The following SFTPD variants were observed in gnomAD, a reference collection of about 807,000 sequenced individuals.
The protein encoded by SFTPD is pulmonary surfactant-associated protein D.
SFTPD carries 18 observed loss-of-function variants against 34.6 expected under a neutral mutation model. That is an observed-to-expected ratio of 0.52 (90% CI 0.36 to 0.77). The LOEUF (loss-of-function observed/expected upper bound fraction) is 0.77, where lower values mean the gene tolerates loss of function less well. Ranked by LOEUF, SFTPD falls within the 30% of genes least tolerant of loss-of-function variation. SFTPD has a pLI of 0.00. For synonymous variants in SFTPD, 155 were observed against 180.9 expected, an observed-to-expected ratio of 0.86 and a Z score of 1.15; for missense variants, 433 against 468.9, an observed-to-expected ratio of 0.92 and a Z score of 0.71.
intron 1 of SFTPD, among the ~76,000 whole-genome samples, chr10:79,977,747 A>G (rs761753786): frequency 2.6e-5 from 4 of 152,082 alleles, no homozygotes; most frequent in Non-Finnish European, 5.9e-5. Flanking sequence ...GTTGTTACAG[A>G]TTTTTTTCCA....
Position 79,938,056 on chromosome 10 carries a change from G to A in SFTPD, c.924C>T (p.Asn308=), listed in dbSNP as rs182707229. Reference sequence around the variant, plus strand: ...CAGTCATGCTCAGGAAAGCAGCCTCGTTCTTAGCTACGACCAGCTGTTGCA... The same window carrying A: ...CAGTCATGCTCAGGAAAGCAGCCTCATTCTTAGCTACGACCAGCTGTTGCA... ...AALQQLVVAK[N]EAAFLSMTDS... is the part of the protein sequence containing the mutation. The change falls in exon 8 of 8, where the codon AAC becomes AAT. Residue 308 remains asparagine (N), a synonymous_variant. Coordinates refer to ENST00000372292, the MANE Select transcript of SFTPD (RefSeq NM_003019.5). 1.5e-5 allele frequency: 25 copies of A among 1,614,130 alleles called. No individual in the cohort carries two copies. In the East Asian group the frequency reaches 2.0e-4, roughly 13 times the overall value.
chr10:79,974,460 T>A (rs1373838531), intron 1 of SFTPD, among the ~76,000 whole-genome samples: 2 of 152,144 alleles, frequency 1.3e-5, no homozygotes, highest in Non-Finnish European at 2.9e-5. Context: ...CCCCCAGATA[T>A]TTTTTATATG....
intron 1 of SFTPD, among the ~76,000 whole-genome samples, chr10:79,959,872 T>A (rs1445513255): frequency 6.6e-6 from 1 of 152,218 alleles, no homozygotes; most frequent in Admixed American, 6.5e-5. Flanking sequence ...ATATCCTTGA[T>A]GAACATTGAT....
At chr10:79,941,177 A>T (rs1564528617) in intron 6 of SFTPD, among the ~76,000 whole-genome samples, 1 of 152,220 alleles carries the variant, frequency 6.6e-6, no homozygotes, top group Non-Finnish European at 1.5e-5. Context: ...CGATAGTCAG[A>T]TGGAGAAGCT....
At chr10:79,971,362 C>T (rs12247705) in intron 1 of SFTPD, 11,905 of 152,004 alleles carry the variant, frequency 0.078, 912 homozygotes, top group East Asian at 0.39. Flanking sequence ...ATGAGGGTAA[C>T]GTCATCATAG....
chr10:79,941,277 C>T, intron 6 of SFTPD, 121 bp downstream of exon 6: 1 of 851,170 alleles, frequency 1.2e-6, no homozygotes, highest in Non-Finnish European at 1.9e-6. Context: ...CTGAGTTCCA[C>T]CCACCAGCTG....
chr10:79,940,567 T>C (rs1842600661), intron 7 of SFTPD, 138 bp downstream of exon 7: 1 of 619,012 alleles, frequency 1.6e-6, no homozygotes, highest in East Asian at 2.6e-5. Flanking sequence ...TCCCAGCTCA[T>C]TCCCATCCTA....
intron 1 of SFTPD, among the ~76,000 whole-genome samples, chr10:79,981,078 GT>G (rs1564537273): frequency 6.6e-6 from 1 of 152,020 alleles, no homozygotes; most frequent in Non-Finnish European, 1.5e-5. Context: ...GAAATCCAAG[GT>G]AATACAGAGA....
At chr10:79,959,601 G>A (rs942132010) in intron 1 of SFTPD, among the ~76,000 whole-genome samples, 1 of 152,184 alleles carries the variant, frequency 6.6e-6, no homozygotes, top group African/African-American at 2.4e-5. Context: ...CCAGGAAGAA[G>A]TTGAATCTCT....
intron 1 of SFTPD, among the ~76,000 whole-genome samples, chr10:79,948,828 T>C (rs2037592476): frequency 6.6e-6 from 1 of 152,162 alleles, no homozygotes; most frequent in South Asian, 2.1e-4. Flanking sequence ...ACACCCACTC[T>C]TCCACCCTGT....
At chr10:79,959,378 C>A (rs1283096171) in intron 1 of SFTPD, among the ~76,000 whole-genome samples, 2 of 152,004 alleles carry the variant, frequency 1.3e-5, no homozygotes, top group East Asian at 3.9e-4. Context: ...AAAGGATCAA[C>A]AAAATCGATA....
rs140296037 is a variant in SFTPD, at chr10:79,977,140, G to C, written c.36+5435C>G. Reference sequence around the variant, plus strand: ...CTAATACAGTGGGGAAGAAACTATAGGTGTGAGACGTGGCCATTTCACCTC... The same window carrying C: ...CTAATACAGTGGGGAAGAAACTATACGTGTGAGACGTGGCCATTTCACCTC... On this transcript the variant is annotated intron_variant, in intron 1 of 5. Coordinates refer to the SFTPD transcript ENST00000444384. Among the ~76,000 whole-genome samples the C allele has an allele frequency of 3.4e-3, 518 of 152,284 alleles. 4 individuals are homozygous for C. The highest frequency in any genetic ancestry group is 0.012 in the African/African-American group (492 of 41,542).
At chr10:79,963,017 C>T (rs1366020791) in intron 1 of SFTPD, among the ~76,000 whole-genome samples, 2 of 152,048 alleles carry the variant, frequency 1.3e-5, no homozygotes, top group African/African-American at 4.8e-5. Flanking sequence ...GTCTACCTAC[C>T]TTTCCTTATT....
intron 1 of SFTPD, chr10:79,982,350 C>T (rs1222237392): frequency 6.0e-6 from 6 of 993,930 alleles, no homozygotes; most frequent in Non-Finnish European, 8.0e-6. Context: ...GCTGCGAAGG[C>T]CCTGGCAGCC....
At position 79,942,015 on chromosome 10, in the gene SFTPD, G is replaced by A; in HGVS notation, c.489C>T (p.Gly163=). 1 of 1,614,028 alleles carries A rather than the reference G, an allele frequency of 6.2e-7. No homozygotes were observed. The highest frequency in any genetic ancestry group is 8.5e-7 in the Non-Finnish European group (1 of 1,179,984). ...QGSAGARGLA[G]PKGERGVPGE... is the part of the protein sequence containing the mutation. ...CAGGGACACCTCGCTCTCCCTTAGG[G>A]CCTGCGAGGCCTCTTGCCCCTGCCG... Residue 163 remains glycine, a synonymous_variant, in exon 5 of 8, where the codon GGC becomes GGT. Coordinates refer to ENST00000372292, the MANE Select transcript of SFTPD (RefSeq NM_003019.5).
chr10:79,957,368 A>G (rs1198318635), intron 1 of SFTPD, among the ~76,000 whole-genome samples: 2 of 152,194 alleles, frequency 1.3e-5, no homozygotes, highest in Admixed American at 6.5e-5. Flanking sequence ...ACAGGAGGAA[A>G]TTCAAACCAA....
At chr10:79,942,135 G>T in intron 4 of SFTPD, 65 bp from the exon 5 acceptor site, 1 of 1,219,474 alleles carries the variant, frequency 8.2e-7, no homozygotes, top group Non-Finnish European at 1.2e-6. Flanking sequence ...GGTTTTGTTA[G>T]CAATGGAGCT....
At chr10:79,952,076 T>C (rs1374628557), upstream of SFTPD, among the ~76,000 whole-genome samples, 1 of 152,236 alleles carries the variant, frequency 6.6e-6, no homozygotes, top group Non-Finnish European at 1.5e-5. Context: ...TGCAGTGTGA[T>C]GGAGGTCTGC....
At chr10:79,945,609 GT>G (rs1451753158) in intron 2 of SFTPD, among the ~76,000 whole-genome samples, 1 of 152,180 alleles carries the variant, frequency 6.6e-6, no homozygotes, top group Admixed American at 6.5e-5. Flanking sequence ...TTACTCATCA[GT>G]ACCTCTGCTA....
Sources: allele counts gnomAD v4.1 joint callset (sites outside exome capture counted in the v4.1 genomes callset), GRCh38; gene constraint gnomAD v4.1.1; transcripts MANE v1.5; gene names NCBI Gene and HGNC (gene_info 2026-07-23, HGNC 2026-07-21).